The following EFCAB11 variants were observed in gnomAD, a reference collection of about 807,000 sequenced individuals.
EFCAB11 encodes the protein EF-hand calcium-binding domain-containing protein 11.
A neutral mutation model predicts 23.0 loss-of-function variants in EFCAB11; 14 were observed. The ratio of observed to expected loss-of-function variants is 0.61; its 90% CI spans 0.40 to 0.95. The LOEUF is 0.95. Among genes scored for constraint, EFCAB11 ranks in the 40% least tolerant of loss-of-function variants. EFCAB11 has a pLI of 0.00. For synonymous variants in EFCAB11, 65 were observed against 66.6 expected (o/e 0.98, Z 0.11); for missense variants, 198 against 195.8 (o/e 1.01, Z -0.07).
intron 5 of EFCAB11, among the ~76,000 whole-genome samples, chr14:89,905,712 C>CA (rs1238115772): frequency 6.6e-6 from 1 of 152,130 alleles, no homozygotes; most frequent in Non-Finnish European, 1.5e-5. Flanking sequence ...GAGGAGGAGT[C>CA]AGAGAGTAGC....
At chr14:89,898,794 C>T (rs988072950) in intron 5 of EFCAB11, among the ~76,000 whole-genome samples, 15 of 151,338 alleles carry the variant, frequency 9.9e-5, no homozygotes, top group African/African-American at 3.6e-4. Context: ...GCCTCAGTCT[C>T]CTGAGTAGCT....
chr14:89,839,913 C>T (rs1228439886), intron 5 of EFCAB11, among the ~76,000 whole-genome samples: 2 of 152,134 alleles, frequency 1.3e-5, no homozygotes, highest in African/African-American at 4.8e-5. Flanking sequence ...CCCCCATGAA[C>T]CATCACCTCG....
At chr14:89,827,853 G>A (rs1364816006) in intron 5 of EFCAB11, among the ~76,000 whole-genome samples, 4 of 151,872 alleles carry the variant, frequency 2.6e-5, no homozygotes, top group African/African-American at 9.7e-5. Flanking sequence ...GGCTGGTCTC[G>A]AACTCCCGAC....
intron 5 of EFCAB11, among the ~76,000 whole-genome samples, chr14:89,900,052 A>T (rs1044852084): frequency 6.6e-6 from 1 of 152,172 alleles, no homozygotes; most frequent in African/African-American, 2.4e-5. Context: ...ACTCTCTTGC[A>T]CTTGGAGTCG....
At chr14:89,835,429 T>C (rs1381572534) in intron 5 of EFCAB11, among the ~76,000 whole-genome samples, 2 of 152,038 alleles carry the variant, frequency 1.3e-5, no homozygotes, top group Admixed American at 6.5e-5. Flanking sequence ...GGTAATTTTA[T>C]ATAATATTTT....
chr14:89,931,731 T>A, intron 4 of EFCAB11, 100 bp from the exon 5 acceptor site: 1 of 901,286 alleles, frequency 1.1e-6, no homozygotes, highest in Non-Finnish European at 1.7e-6. Flanking sequence ...AATATATTAC[T>A]AGGAGAAAAG....
chr14:89,809,553 C>T (rs766716566), intron 5 of EFCAB11, among the ~76,000 whole-genome samples: 28 of 152,168 alleles, frequency 1.8e-4, no homozygotes, highest in Non-Finnish European at 3.7e-4. Context: ...TTAAAAGGTT[C>T]GTGCCCTTCT....
At chr14:89,874,050 C>A (rs563336768) in intron 5 of EFCAB11, among the ~76,000 whole-genome samples, 1 of 152,220 alleles carries the variant, frequency 6.6e-6, no homozygotes, top group Non-Finnish European at 1.5e-5. Context: ...GAGGGCTCTA[C>A]CCCTGCAGCA....
chr14:89,935,193 G>A (rs1379685849), intron 3 of EFCAB11, among the ~76,000 whole-genome samples: 1 of 152,084 alleles, frequency 6.6e-6, no homozygotes, highest in Non-Finnish European at 1.5e-5. Flanking sequence ...AGGATCTACG[G>A]TAATTATTTG....
At chr14:89,907,677 T>A (rs986405434) in intron 5 of EFCAB11, among the ~76,000 whole-genome samples, 1 of 152,196 alleles carries the variant, frequency 6.6e-6, no homozygotes. Context: ...ATAGATCTGA[T>A]TGATAAAGAG....
intron 5 of EFCAB11, among the ~76,000 whole-genome samples, chr14:89,801,487 G>C (rs17094669): frequency 0.028 from 4,245 of 152,222 alleles, 202 homozygotes; most frequent in African/African-American, 0.096. Context: ...CCATAAGCCT[G>C]CTAGGAATTT....
intron 5 of EFCAB11, among the ~76,000 whole-genome samples, chr14:89,824,056 C>T (rs1886612069): frequency 6.6e-6 from 1 of 151,970 alleles, no homozygotes; most frequent in Admixed American, 6.6e-5. Context: ...TTGATGAAAA[C>T]TAAAATTCTA....
intron 5 of EFCAB11, among the ~76,000 whole-genome samples, chr14:89,873,993 C>G (rs1888359614): frequency 6.6e-6 from 1 of 152,220 alleles, no homozygotes; most frequent in South Asian, 2.1e-4. Context: ...TGTGGAGGCT[C>G]CAACCCCACA....
chr14:89,882,606 A>G (rs1436702877), intron 5 of EFCAB11, among the ~76,000 whole-genome samples: 1 of 152,186 alleles, frequency 6.6e-6, no homozygotes, highest in Non-Finnish European at 1.5e-5. Context: ...TAAGATTTAT[A>G]TAAGCAATGA....
rs1891320846 is a variant in EFCAB11 at position 89,954,083 on chromosome 14, G to A, written c.76-82C>T. 5 of 1,244,632 alleles carry A rather than the reference G, an allele frequency of 4.0e-6. No individual in the cohort carries two copies. In the Middle Eastern group the frequency reaches 5.9e-4, roughly 147 times the overall value. 77.1% of individuals were successfully genotyped at this position (1,244,632 alleles called of 1,614,324 possible). On this transcript the variant is annotated intron_variant, in intron 1 of 5. Transcript: ENST00000316738. ...TAGTTTATTATACAGTTTGGACCTC[G>A]AAAATCTAAAACTTGGCCCAGCGGT... is the stretch of plus-strand genomic sequence containing the variant.
At chr14:89,927,339 T>C (rs1890226285) in intron 5 of EFCAB11, among the ~76,000 whole-genome samples, 1 of 152,202 alleles carries the variant, frequency 6.6e-6, no homozygotes, top group Admixed American at 6.5e-5. Context: ...AAAAACTTAT[T>C]CAGTCATTCA....
chr14:89,924,297 C>T (rs45455399), intron 5 of EFCAB11: 85,810 of 1,029,360 alleles, frequency 0.083, 4,094 homozygotes, highest in South Asian at 0.2. Flanking sequence ...TAACTTTAAA[C>T]GTCTCCAGTC....
At chr14:89,826,453 G>A (rs1886694036) in intron 5 of EFCAB11, among the ~76,000 whole-genome samples, 1 of 151,972 alleles carries the variant, frequency 6.6e-6, no homozygotes, top group Admixed American at 6.6e-5. Context: ...AAGTTGAAGA[G>A]GTTAGATTTT....
intron 5 of EFCAB11, among the ~76,000 whole-genome samples, chr14:89,809,384 A>C: frequency 6.6e-6 from 1 of 152,208 alleles, no homozygotes; most frequent in Non-Finnish European, 1.5e-5. Context: ...CAGGGATTCA[A>C]ATTACTGGCC....
Sources: allele counts gnomAD v4.1 joint callset (sites outside exome capture counted in the v4.1 genomes callset), GRCh38; gene constraint gnomAD v4.1.1; transcripts MANE v1.5; gene names NCBI Gene and HGNC (gene_info 2026-07-23, HGNC 2026-07-21).